The following CHRM2 variants were observed in gnomAD, a reference collection of about 807,000 sequenced individuals.
CHRM2 encodes cholinergic receptor muscarinic 2, also known as muscarinic acetylcholine receptor M2.
CHRM2 carries 8 observed loss-of-function variants against 25.0 expected under a neutral mutation model. The ratio of observed to expected loss-of-function variants is 0.32; its 90% CI spans 0.19 to 0.58. The LOEUF (loss-of-function observed/expected upper bound fraction) is 0.58, where lower values mean the gene tolerates loss of function less well. Ranked by LOEUF, CHRM2 falls within the 20% of genes least tolerant of loss-of-function variation. CHRM2 has a pLI of 0.88. For synonymous variants in CHRM2, 202 were observed against 205.7 expected, an observed-to-expected ratio of 0.98 and a Z score of 0.15; for missense variants, 440 against 567.1, an observed-to-expected ratio of 0.78 and a Z score of 2.28.
In CHRM2 at chr7:136,889,187, T is replaced by C. The variant is rs1214548070; in HGVS notation, c.-125+19769T>C. On this transcript the variant is annotated intron_variant, in intron 2 of 3. Coordinates refer to ENST00000680005, the MANE Select transcript of CHRM2 (RefSeq NM_001006630.2). ...GTGTTGGTGCAAAATTCAGTATTGG[T>C]GGATAGGTGATTTCTGAGAGAAGGG... Among the ~76,000 whole-genome samples the C allele has an allele frequency of 1.3e-5, 2 of 151,554 alleles. 1 individual carries two copies. Among genetic ancestry groups the C allele is most frequent in the East Asian group, 3.9e-4 (2 of 5,154 alleles).
chr7:136,997,054 C>CG (rs113461391), intron 3 of CHRM2, among the ~76,000 whole-genome samples: 1,903 of 152,270 alleles, frequency 0.012, 39 homozygotes, highest in African/African-American at 0.043. Flanking sequence ...TGATTCTCCC[C>CG]CTCCAAGGAC....
chr7:136,978,135 G>A (rs1472742608), intron 2 of CHRM2, among the ~76,000 whole-genome samples: 4 of 152,136 alleles, frequency 2.6e-5, no homozygotes, highest in Non-Finnish European at 5.9e-5. Context: ...CTACTTGGGT[G>A]ACGGGATCAT....
rs541638683 is a variant in CHRM2, at chr7:137,016,416, T to C, written c.*150T>C. 4 of 836,682 alleles carry C rather than the reference T, an allele frequency of 4.8e-6. No homozygotes were observed. The highest frequency in any genetic ancestry group is 5.3e-5 in the East Asian group (2 of 37,480). 51.8% of individuals were successfully genotyped at this position (836,682 alleles called of 1,614,324 possible). A position where few individuals can be genotyped will look rare whatever the true frequency, so the allele number is the denominator to read the frequency against. ...CAGGAGCCCAGCAGTGACACACTTA[T>C]CACGCCTAGGCTCCAGTTTGCAAAA... is the stretch of plus-strand genomic sequence containing the variant. On this transcript the variant is annotated 3_prime_UTR_variant, in exon 4 of 4. Transcript: ENST00000680005.
At chr7:136,981,594 T>C (rs1466328134) in intron 2 of CHRM2, among the ~76,000 whole-genome samples, 1 of 152,228 alleles carries the variant, frequency 6.6e-6, no homozygotes, top group Non-Finnish European at 1.5e-5. Flanking sequence ...TTTAGTGCTA[T>C]AAATTTCCCT....
At chr7:136,996,991 G>A (rs1420225105) in intron 3 of CHRM2, among the ~76,000 whole-genome samples, 1 of 152,082 alleles carries the variant, frequency 6.6e-6, no homozygotes, top group Admixed American at 6.6e-5. Context: ...ACAACTCTGT[G>A]TCCACATTCT....
chr7:136,970,929 C>G (rs1328690883), intron 2 of CHRM2, among the ~76,000 whole-genome samples: 1 of 152,126 alleles, frequency 6.6e-6, no homozygotes, highest in Non-Finnish European at 1.5e-5. Context: ...GAATCAATGT[C>G]CTTTTTAACT....
intron 2 of CHRM2, among the ~76,000 whole-genome samples, chr7:136,955,594 G>A (rs993180712): frequency 3.9e-4 from 59 of 152,154 alleles, no homozygotes; most frequent in African/African-American, 1.4e-3. Context: ...CAAAAGGAAT[G>A]TCCTGGCCTT....
chr7:136,906,537 C>T (rs180806448), intron 2 of CHRM2, among the ~76,000 whole-genome samples: 3 of 151,440 alleles, frequency 2.0e-5, no homozygotes, highest in Admixed American at 2.0e-4. Flanking sequence ...AGAATTATTA[C>T]TTTGCTAACT....
chr7:136,875,284 G>A (rs191428588), intron 2 of CHRM2, among the ~76,000 whole-genome samples: 9 of 151,938 alleles, frequency 5.9e-5, no homozygotes, highest in East Asian at 3.9e-4. Context: ...AAACGTAGAC[G>A]TTTTACTCTT....
At chr7:137,010,608 T>G (rs893788254) in intron 3 of CHRM2, among the ~76,000 whole-genome samples, 2 of 151,996 alleles carry the variant, frequency 1.3e-5, no homozygotes, top group Non-Finnish European at 2.9e-5. Flanking sequence ...TGCATCATGC[T>G]GAGAGAAAGA....
chr7:136,907,770 T>A (rs1292007493), intron 2 of CHRM2: 1 of 151,942 alleles, frequency 6.6e-6, no homozygotes, highest in East Asian at 1.9e-4. Context: ...CAAAACTTTC[T>A]TTGCAACCCA....
chr7:136,968,042 T>C (rs930981778), intron 2 of CHRM2, among the ~76,000 whole-genome samples: 4 of 152,218 alleles, frequency 2.6e-5, no homozygotes, highest in Admixed American at 6.5e-5. Context: ...CTTTTAACAC[T>C]TAAATTTTAA....
chr7:136,990,507 A>C (rs1204521396), intron 2 of CHRM2, among the ~76,000 whole-genome samples: 2 of 152,110 alleles, frequency 1.3e-5, no homozygotes, highest in Admixed American at 6.6e-5. Context: ...CTCACGTAAC[A>C]ATATGCATTT....
intron 3 of CHRM2, among the ~76,000 whole-genome samples, chr7:136,997,560 T>G (rs997892966): frequency 1.3e-5 from 2 of 152,164 alleles, no homozygotes; most frequent in Non-Finnish European, 2.9e-5. Flanking sequence ...AAGATCAATC[T>G]CATGTGTTTT....
At chr7:136,970,033 C>T (rs1801659985) in intron 2 of CHRM2, among the ~76,000 whole-genome samples, 1 of 152,156 alleles carries the variant, frequency 6.6e-6, no homozygotes. Context: ...TTTAGTGTCT[C>T]TCCTTATAAG....
chr7:136,925,523 T>C (rs1332671461), intron 2 of CHRM2, among the ~76,000 whole-genome samples: 1 of 149,752 alleles, frequency 6.7e-6, no homozygotes, highest in East Asian at 1.9e-4. Flanking sequence ...CAAAGAACAA[T>C]GTAAAACTAT....
chr7:136,998,229 C>G (rs868226905), intron 3 of CHRM2, among the ~76,000 whole-genome samples: 1 of 152,062 alleles, frequency 6.6e-6, no homozygotes, highest in Non-Finnish European at 1.5e-5. Context: ...AATTTTCAAG[C>G]CTGCATGGAT....
At chr7:136,945,902 G>C (rs796937143) in intron 2 of CHRM2, among the ~76,000 whole-genome samples, 1 of 152,082 alleles carries the variant, frequency 6.6e-6, no homozygotes, top group Non-Finnish European at 1.5e-5. Context: ...TGCACCACTC[G>C]ATAAGGCAGA....
intron 2 of CHRM2, among the ~76,000 whole-genome samples, chr7:136,918,419 T>C (rs922801139): frequency 6.6e-6 from 1 of 152,092 alleles, no homozygotes; most frequent in African/African-American, 2.4e-5. Flanking sequence ...GACTGAATTT[T>C]ACCTTAAAAC....
Sources: allele counts gnomAD v4.1 joint callset (sites outside exome capture counted in the v4.1 genomes callset), GRCh38; gene constraint gnomAD v4.1.1; transcripts MANE v1.5; gene names NCBI Gene and HGNC (gene_info 2026-07-23, HGNC 2026-07-21).